Variants in FXR1 observed in about 807,000 individuals in gnomAD.
FXR1 encodes FMR1 autosomal homolog 1, also known as RNA-binding protein FXR1.
A neutral mutation model predicts 84.0 loss-of-function variants in FXR1; 15 were observed. The ratio of observed to expected loss-of-function variants is 0.18; its 90% CI spans 0.12 to 0.27. The LOEUF is 0.27. FXR1 is among the 10% of genes least tolerant of loss of function. The pLI is 1.00. For synonymous variants in FXR1, 245 were observed against 250.7 expected, an observed-to-expected ratio of 0.98 and a Z score of 0.21; for missense variants, 480 against 774.4, an observed-to-expected ratio of 0.62 and a Z score of 4.51.
chr3:180,929,697 C>T (rs935367728), intron 1 of FXR1, among the ~76,000 whole-genome samples: 2 of 152,182 alleles, frequency 1.3e-5, no homozygotes, highest in African/African-American at 4.8e-5. Flanking sequence ...CAATTTGGGT[C>T]TCTTGAGCAG....
At chr3:180,973,272 T>C (rs1713812293) in intron 15 of FXR1, among the ~76,000 whole-genome samples, 2 of 152,232 alleles carry the variant, frequency 1.3e-5, no homozygotes, top group Admixed American at 1.3e-4. Flanking sequence ...TGCTTGTTAA[T>C]TTAGTTGATA....
chr3:180,976,201 C>T lies in FXR1; in HGVS notation c.1775C>T (p.Ser592Phe). The part of the protein sequence containing the change: ...GPTSASGDDI[S>F]KLQRTPGEEK... ...ACTAGTGCTTCTGGCGATGACATTT[C>T]TAAGCTACAGCGTACTCCAGGAGAA... Residue 592 changes from serine to phenylalanine, a missense_variant, in exon 17 of 17, where the codon TCT becomes TTT. Ser to Phe is a radical substitution (Grantham distance 155). Coordinates refer to ENST00000357559, the MANE Select transcript of FXR1 (RefSeq NM_005087.4). 2.5e-6 allele frequency: 4 copies of T among 1,612,500 alleles called. No homozygotes were observed. The highest frequency in any genetic ancestry group is 3.4e-6 in the Non-Finnish European group (4 of 1,178,610).
chr3:180,931,046 A>AAAAAAAAAAAAAAAAAC (rs1441505081), intron 1 of FXR1, among the ~76,000 whole-genome samples: 2 of 150,586 alleles, frequency 1.3e-5, no homozygotes, highest in Admixed American at 6.6e-5. Context: ...AAAAAAAAAA[A>AAAAAAAAAAAAAAAAAC]AGACGTGAAT....
intron 3 of FXR1, among the ~76,000 whole-genome samples, chr3:180,943,759 A>G (rs1198593808): frequency 2.0e-5 from 3 of 152,184 alleles, no homozygotes; most frequent in Non-Finnish European, 4.4e-5. Context: ...AGATTCATGA[A>G]TGATTATGCT....
At chr3:180,936,333 T>G (rs959939452) in intron 3 of FXR1, among the ~76,000 whole-genome samples, 1 of 152,142 alleles carries the variant, frequency 6.6e-6, no homozygotes, top group Non-Finnish European at 1.5e-5. Context: ...AATGGAGCAA[T>G]CTCAGTTCAC....
At chr3:180,927,452 G>T (rs958960852) in intron 1 of FXR1, among the ~76,000 whole-genome samples, 3 of 151,898 alleles carry the variant, frequency 2.0e-5, no homozygotes, top group Admixed American at 2.0e-4. Flanking sequence ...CAGATTTTTT[G>T]CTATATTTGT....
chr3:180,971,159 A>G, intron 15 of FXR1: 1 of 1,212,822 alleles, frequency 8.2e-7, no homozygotes, highest in Non-Finnish European at 1.1e-6. Context: ...CAGCCAGGTA[A>G]CTTGAGTGGA....
chr3:180,935,252 T>A (rs771110750), intron 3 of FXR1, 21 bp downstream of exon 3: 2 of 1,042,040 alleles, frequency 1.9e-6, no homozygotes, highest in Admixed American at 1.9e-5. Context: ...TTAAGTTTAT[T>A]TTCTTGTGTC....
At chr3:180,974,205 C>A (rs930781755) in intron 15 of FXR1, among the ~76,000 whole-genome samples, 9 of 146,978 alleles carry the variant, frequency 6.1e-5, no homozygotes, top group African/African-American at 2.0e-4. Context: ...ATTGCCCAGG[C>A]TGGAGTGCAG....
chr3:180,981,815 A>G lies in FXR1; in HGVS notation c.*5523A>G, dbSNP rs536359421. The G allele has an allele frequency of 7.9e-5, 12 of 152,176 alleles. No individual in the cohort carries two copies. The highest frequency in any genetic ancestry group is 2.9e-4 in the African/African-American group (12 of 41,540). 9.4% of individuals were successfully genotyped at this position (152,176 alleles called of 1,614,324 possible). A position where few individuals can be genotyped will look rare whatever the true frequency, so the allele number is the denominator to read the frequency against. ...TTGGTCATGTATATTTCCCTTTTACAGAGAAAGCTGAAGCCTCGAGGCTCA... is the reference window on the plus strand; with the variant it reads ...TTGGTCATGTATATTTCCCTTTTACGGAGAAAGCTGAAGCCTCGAGGCTCA... On this transcript the variant is annotated 3_prime_UTR_variant, in exon 17 of 17. Transcript: ENST00000357559.
Position 180,979,828 on chromosome 3 carries a change from TAA to T in FXR1, c.*3540_*3541del, listed in dbSNP as rs1237485681. 2.0e-5 allele frequency: 3 copies of T among 152,092 alleles called. No individual in the cohort carries two copies. Among genetic ancestry groups the T allele is most frequent in the African/African-American group, 7.2e-5 (3 of 41,450 alleles). 9.4% of individuals were successfully genotyped at this position (152,092 alleles called of 1,614,324 possible). ...ATGGTTCAGTCTAATTACAAATTTT[TAA>T]AAAGTTTATCAGTGTATCATTTCAG... On this transcript the variant is annotated 3_prime_UTR_variant, in exon 17 of 17. Coordinates refer to ENST00000357559, the MANE Select transcript of FXR1 (RefSeq NM_005087.4).
intron 14 of FXR1, among the ~76,000 whole-genome samples, chr3:180,969,394 G>A (rs1184190976): frequency 7.2e-5 from 11 of 152,186 alleles, no homozygotes; most frequent in Admixed American, 6.5e-4. Context: ...TCGGAATTAG[G>A]TGAATTTCTT....
Position 180,948,449 on chromosome 3 carries a change from A to G in FXR1, c.373A>G (p.Thr125Ala). 6.2e-7 allele frequency: 1 copy of G among 1,609,180 alleles called. No homozygotes were observed. Among genetic ancestry groups the G allele is most frequent in the South Asian group, 1.1e-5 (1 of 90,952 alleles). ...VNQNKTVKKNTFFKCTVDVPE... is the reference protein window; with the variant it reads ...VNQNKTVKKNAFFKCTVDVPE... ...TCAAAATAAAACTGTCAAAAAAAATACCTTCTTTAAATGCACAGTGGATGT... is the reference window on the plus strand; with the variant it reads ...TCAAAATAAAACTGTCAAAAAAAATGCCTTCTTTAAATGCACAGTGGATGT... Residue 125 changes from threonine (T) to alanine (A), a missense_variant, in exon 5 of 17, where the codon ACC becomes GCC. Thr to Ala is a moderately conservative substitution (Grantham distance 58, BLOSUM62 0). This residue lies in a region of FXR1 where 136 missense variants were observed against 315.4 expected (regional missense o/e 0.43). Transcript: ENST00000357559.
chr3:180,943,265 CTTTTTTTTTTT>C (rs71182562), intron 3 of FXR1, among the ~76,000 whole-genome samples: 4 of 27,654 alleles, frequency 1.4e-4, no homozygotes, highest in Non-Finnish European at 1.8e-4. Context: ...CTGTGCCCGG[CTTTTTTTTTTT>C]TTTTTTTTTT....
intron 8 of FXR1, among the ~76,000 whole-genome samples, chr3:180,952,736 T>C (rs1465786052): frequency 6.6e-6 from 1 of 152,032 alleles, no homozygotes; most frequent in Admixed American, 6.6e-5. Context: ...ATTAGATGCA[T>C]TGTAAAAAAT....
At chr3:180,933,978 T>TG (rs34484704) in intron 2 of FXR1, among the ~76,000 whole-genome samples, 24 of 151,672 alleles carry the variant, frequency 1.6e-4, no homozygotes, top group African/African-American at 3.1e-4. Context: ...CTAGTCATGG[T>TG]GGGGGGGCGC....
intron 13 of FXR1, among the ~76,000 whole-genome samples, chr3:180,967,681 G>C (rs937495738): frequency 6.7e-6 from 1 of 149,624 alleles, no homozygotes; most frequent in Non-Finnish European, 1.5e-5. Context: ...CCATGACTTT[G>C]TATTTCCTGG....
intron 3 of FXR1, among the ~76,000 whole-genome samples, chr3:180,938,775 C>T (rs1559990099): frequency 6.6e-6 from 1 of 152,018 alleles, no homozygotes. Context: ...CTCAAACTCC[C>T]GACCTCAGGT....
At position 180,961,471 on chromosome 3, in the gene FXR1, A is replaced by G. The variant is rs1288461923; in HGVS notation, c.994A>G (p.Met332Val). 1 of 1,474,390 alleles carries G rather than the reference A, an allele frequency of 6.8e-7. No homozygotes were observed. Among genetic ancestry groups the G allele is most frequent in the East Asian group, 2.4e-5 (1 of 42,284 alleles). The allele number at this position is 1,474,390 out of a possible 1,614,324, so 91.3% of individuals were successfully genotyped here. A position where few individuals can be genotyped will look rare whatever the true frequency, so the allele number is the denominator to read the frequency against. ...ACTTTTTTTTTTTTTTAAACAGGGT[A>G]TGGTTCCATTTGTATTTGTTGGCAC... Reference protein sequence around the residue: ...NENKLPREDGMVPFVFVGTKE... With the variant: ...NENKLPREDGVVPFVFVGTKE... Residue 332 changes from methionine to valine, a missense_variant, in exon 11 of 17, where the codon ATG (methionine) becomes GTG (valine). Physicochemically the swap from Met to Val is conservative, Grantham distance 21. Transcript: ENST00000357559.
Sources: allele counts gnomAD v4.1 joint callset (sites outside exome capture counted in the v4.1 genomes callset), GRCh38; gene constraint gnomAD v4.1.1; regional missense constraint gnomAD v4.1.1; transcripts MANE v1.5; gene names NCBI Gene and HGNC (gene_info 2026-07-23, HGNC 2026-07-21).